The following DPH5 variants were observed in gnomAD, a reference collection of about 807,000 sequenced individuals.
The protein encoded by DPH5 is diphthine methyl ester synthase.
Under a neutral mutation model 31.6 loss-of-function variants are expected in DPH5, and 31 were observed. The observed-to-expected ratio is 0.98, with a 90% CI of 0.74 to 1.32. DPH5 has a LOEUF of 1.32. Ranked by LOEUF, DPH5 falls within the 40% of genes most tolerant of loss-of-function variation. The probability of loss-of-function intolerance (pLI) is 0.00; values close to 1 mark genes in which losing one functional copy is unlikely to be tolerated. For synonymous variants in DPH5, 120 were observed against 115.0 expected (o/e 1.04, Z -0.28); for missense variants, 309 against 335.7 (o/e 0.92, Z 0.62).
intron 1 of DPH5, 65 bp from the exon 2 acceptor site, chr1:101,025,531 A>G (rs970370354): frequency 2.0e-6 from 3 of 1,512,146 alleles, no homozygotes; most frequent in African/African-American, 2.8e-5. Context: ...CTAGTGATGA[A>G]CACGATGACA....
rs772739169 is a variant in DPH5 at position 101,013,792 on chromosome 1, A to G, written c.287T>C (p.Leu96Pro). 6.2e-7 allele frequency: 1 copy of G among 1,613,170 alleles called. No homozygotes were observed. Among genetic ancestry groups the G allele is most frequent in the Non-Finnish European group, 8.5e-7 (1 of 1,179,546 alleles). ...AGGAATTCCCAGCTTTGTTGCTCTT[A>G]GAACAAGATCACTGTGTGTTGTGGC... ...FGATTHSDLV[L>P]RATKLGIPYR... The change falls in exon 4 of 8, where the codon CTA (leucine) becomes CCA (proline). Residue 96 changes from leucine (L) to proline (P), a missense_variant. Leu to Pro is a moderately conservative substitution (Grantham distance 98). Transcript: ENST00000370109.
chr1:101,023,135 G>A (rs1275157701), intron 2 of DPH5: 1 of 152,132 alleles, frequency 6.6e-6, no homozygotes, highest in Non-Finnish European at 1.5e-5. Context: ...AGAGGTTGCA[G>A]GGGGCCGAGA....
chr1:101,023,903 T>C (rs571758840), intron 2 of DPH5, among the ~76,000 whole-genome samples: 9 of 152,308 alleles, frequency 5.9e-5, no homozygotes, highest in Admixed American at 2.0e-4. Context: ...GATAAAACTA[T>C]AACCAAACTT....
chr1:100,997,939 A>G (rs991217684), intron 5 of DPH5, among the ~76,000 whole-genome samples: 1 of 152,158 alleles, frequency 6.6e-6, no homozygotes, highest in Non-Finnish European at 1.5e-5. Flanking sequence ...CAAGATGGAT[A>G]TATCTGATGG....
At chr1:100,992,004 G>A (rs1214651289) in intron 7 of DPH5, among the ~76,000 whole-genome samples, 1 of 151,834 alleles carries the variant, frequency 6.6e-6, no homozygotes, top group Non-Finnish European at 1.5e-5. Flanking sequence ...CAGCTAAGGT[G>A]GGAGGATCAC....
At chr1:101,002,526 A>C (rs534673139) in intron 4 of DPH5, among the ~76,000 whole-genome samples, 2 of 152,360 alleles carry the variant, frequency 1.3e-5, no homozygotes, top group Admixed American at 1.3e-4. Flanking sequence ...AGCACTGAGC[A>C]AAGGACATTT....
chr1:100,990,418 T>C lies in DPH5; in HGVS notation c.848A>G (p.Asn283Ser), dbSNP rs758197906. The C allele has an allele frequency of 3.1e-6, 5 of 1,613,582 alleles. No individual in the cohort carries two copies. Among genetic ancestry groups the C allele is most frequent in the African/African-American group, 2.7e-5 (2 of 74,914 alleles). ...PENSSESQSI[N>S]GL is the part of the protein sequence containing the mutation. ...GGTAAATATCTATGTTCAAAGTCCA[T>C]TGATGCTTTGAGATTCTGAGCTATT... The change falls in exon 8 of 8, where the codon AAT (asparagine) becomes AGT (serine). Residue 283 changes from asparagine (N) to serine (S), a missense_variant. Asn to Ser is a conservative substitution (Grantham distance 46). Coordinates refer to ENST00000370109, the MANE Select transcript of DPH5 (RefSeq NM_015958.3).
At chr1:101,017,994 A>G (rs1660191970) in intron 3 of DPH5, among the ~76,000 whole-genome samples, 1 of 152,234 alleles carries the variant, frequency 6.6e-6, no homozygotes, top group Non-Finnish European at 1.5e-5. Flanking sequence ...ATTTAAAATG[A>G]GTAGACACAT....
Position 100,995,112 on chromosome 1 carries a change from G to C in DPH5, c.528C>G (p.Ile176Met), listed in dbSNP as rs746992822. ...GCATTCTCAGAATAATAACTTACTT[G>C]ATTAGATTTTCCAAAGACTGCTCCT... is the stretch of plus-strand genomic sequence containing the variant. The part of the protein sequence containing the change: ...KVKEQSLENL[I>M]KGRKIYEPPR... Residue 176 changes from isoleucine (I) to methionine (M), a missense_variant and splice_region_variant, in exon 6 of 8, where the codon ATC (isoleucine) becomes ATG (methionine). Transcript: ENST00000370109. The C allele has an allele frequency of 6.4e-7, 1 of 1,571,918 alleles. No individual in the cohort carries two copies. The highest frequency in any genetic ancestry group is 1.7e-5 in the Admixed American group (1 of 59,748).
intron 4 of DPH5, among the ~76,000 whole-genome samples, chr1:101,011,807 T>C (rs1659700794): frequency 6.6e-6 from 1 of 152,148 alleles, no homozygotes; most frequent in Non-Finnish European, 1.5e-5. Flanking sequence ...GGTAAAAATG[T>C]ATGTCCTATT....
chr1:100,990,926 T>C (rs2101128836), intron 7 of DPH5, among the ~76,000 whole-genome samples: 1 of 152,362 alleles, frequency 6.6e-6, no homozygotes, highest in East Asian at 1.9e-4. Flanking sequence ...CAGCATTCGT[T>C]TTTAAATAAG....
At chr1:100,991,516 G>A (rs1197096850) in intron 7 of DPH5, among the ~76,000 whole-genome samples, 2 of 152,144 alleles carry the variant, frequency 1.3e-5, no homozygotes, top group African/African-American at 4.8e-5. Flanking sequence ...GACTGGGTGC[G>A]GTGACTCGCA....
rs529192478 is a variant in DPH5, at chr1:101,007,440, G to A, written c.370-5853C>T. Among the ~76,000 whole-genome samples, 6 of 152,270 alleles carry A rather than the reference G, an allele frequency of 3.9e-5. No individual in the cohort carries two copies. In the South Asian group the frequency reaches 1.0e-3, roughly 26 times the overall value. On this transcript the variant is annotated intron_variant, in intron 4 of 7. Coordinates refer to ENST00000370109, the MANE Select transcript of DPH5 (RefSeq NM_015958.3). ...TTCAAGAAAAGGACTTTGGCCGGGC[G>A]CGGTGGCTCATGCCTGTAATCCCAG...
In DPH5 at chr1:101,011,175, T is replaced by C. The variant is rs139016514; in HGVS notation, c.369+2535A>G. The stretch of plus-strand genomic sequence containing the variant: ...GTACTTGCATTATGCAGGATATCTA[T>C]ACATTTATTTTAAAATTTAAGTGTG... On this transcript the variant is annotated intron_variant, in intron 4 of 7. Transcript: ENST00000370109. 1.2e-4 allele frequency among the ~76,000 whole-genome samples: 19 copies of C among 152,372 alleles called. No individual in the cohort carries two copies. In the East Asian group the frequency reaches 3.5e-3, roughly 28 times the overall value.
Position 100,995,071 on chromosome 1 carries a change from A to T in DPH5, c.530+39T>A, listed in dbSNP as rs370317473. ...TAGAATGTATTGAATTGTTCAAGGA[A>T]ATAAAACACATGTATGCATTCTCAG... On this transcript the variant is annotated intron_variant, in intron 6 of 7. Coordinates refer to ENST00000370109, the MANE Select transcript of DPH5 (RefSeq NM_015958.3). The T allele has an allele frequency of 5.7e-5, 82 of 1,443,708 alleles. No homozygotes were observed. The Admixed American group carries it at 1.3e-3, about 23-fold the overall frequency. The allele number at this position is 1,443,708 out of a possible 1,614,324, so 89.4% of individuals were successfully genotyped here.
At chr1:100,993,559 AATATATATATATATATAT>A (rs10527775) in intron 6 of DPH5, among the ~76,000 whole-genome samples, 623 of 56,550 alleles carry the variant, frequency 0.011, 39 homozygotes, top group African/African-American at 0.031. Context: ...CGAAAATATA[AATATATATATATATATAT>A]ATATATATAT....
chr1:101,025,244 A>G (rs554107170), intron 2 of DPH5, 65 bp downstream of exon 2: 21 of 1,591,928 alleles, frequency 1.3e-5, no homozygotes, highest in Admixed American at 5.2e-5. Context: ...TGTTCAGCTT[A>G]GTGTATGAAA....
chr1:101,013,521 A>T (rs1254565579), intron 4 of DPH5, 189 bp downstream of exon 4: 1 of 413,904 alleles, frequency 2.4e-6, no homozygotes, highest in East Asian at 3.6e-5. Flanking sequence ...ATTCGATTCC[A>T]ATAAGGGGGA....
In DPH5 at chr1:101,001,580, T is replaced by G. The variant is rs1290077570; in HGVS notation, c.377A>C (p.Lys126Thr). Residue 126 changes from lysine (K) to threonine (T), a missense_variant, in exon 5 of 8, where the codon AAG becomes ACG. Transcript: ENST00000370109. ...AACAATAGAAACTGTCTCTCCAAACTTATATAACTAGAAAAAAAAACATTA... is the reference window on the plus strand; with the variant it reads ...AACAATAGAAACTGTCTCTCCAAACGTATATAACTAGAAAAAAAAACATTA... The part of the protein sequence containing the change: ...AVGCCGLQLY[K>T]FGETVSIVFW... 6.3e-7 allele frequency: 1 copy of G among 1,575,712 alleles called. No homozygotes were observed. The highest frequency in any genetic ancestry group is 8.7e-7 in the Non-Finnish European group (1 of 1,153,082).
Sources: allele counts gnomAD v4.1 joint callset (sites outside exome capture counted in the v4.1 genomes callset), GRCh38; gene constraint gnomAD v4.1.1; transcripts MANE v1.5; gene names NCBI Gene and HGNC (gene_info 2026-07-23, HGNC 2026-07-21).